Variants in PALS2 observed in about 807,000 individuals in gnomAD.
PALS2 encodes the protein protein PALS2.
PALS2 carries 27 observed loss-of-function variants against 61.6 expected under a neutral mutation model. The observed-to-expected ratio is 0.44, with a 90% CI of 0.32 to 0.60. PALS2 has a LOEUF of 0.60. PALS2 is among the 20% of genes least tolerant of loss of function. The pLI is 0.05. For missense variants in PALS2, 554 were observed against 639.4 expected (o/e 0.87, Z 1.44); for synonymous variants, 236 against 218.6 (o/e 1.08, Z -0.70).
intron 3 of PALS2, among the ~76,000 whole-genome samples, chr7:24,645,646 C>A (rs1333784236): frequency 1.3e-5 from 2 of 151,938 alleles, no homozygotes; most frequent in East Asian, 3.8e-4. Context: ...TTTTCTAGTT[C>A]TGTGAAGAAT....
intron 2 of PALS2, among the ~76,000 whole-genome samples, chr7:24,637,556 C>G (rs1785299391): frequency 6.6e-6 from 1 of 152,086 alleles, no homozygotes; most frequent in African/African-American, 2.4e-5. Flanking sequence ...TAAGTAACTA[C>G]TACATACATA....
At chr7:24,635,694 T>G (rs75072516) in intron 2 of PALS2, among the ~76,000 whole-genome samples, 9,615 of 152,240 alleles carry the variant, frequency 0.063, 351 homozygotes, top group African/African-American at 0.093. Context: ...ACTGCTATCC[T>G]ATACCTTGAT....
At chr7:24,658,790 C>A (rs951771360) in intron 5 of PALS2, among the ~76,000 whole-genome samples, 2 of 151,898 alleles carry the variant, frequency 1.3e-5, no homozygotes, top group Non-Finnish European at 1.5e-5. Flanking sequence ...CTCTTGATCT[C>A]GTGATCCATC....
Position 24,655,945 on chromosome 7 carries a change from ACCT to A in PALS2, c.651+5234_651+5236del, listed in dbSNP as rs201438277. Among the ~76,000 whole-genome samples the A allele has an allele frequency of 8.2e-3, 1,254 of 152,194 alleles. 15 individuals are homozygous for A. Among genetic ancestry groups the A allele is most frequent in the African/African-American group, 0.028 (1,164 of 41,520 alleles). On this transcript the variant is annotated intron_variant, in intron 5 of 11. Coordinates refer to ENST00000222644, the MANE Select transcript of PALS2 (RefSeq NM_001303037.2). ...CTTCAAAACTTTTTTAACCAAACAT[ACCT>A]TCTTGTTATCTTGCTGTTATCAAAA... is the stretch of plus-strand genomic sequence containing the variant.
intron 5 of PALS2, among the ~76,000 whole-genome samples, chr7:24,659,062 A>T (rs564457158): frequency 6.6e-6 from 1 of 152,060 alleles, no homozygotes; most frequent in Non-Finnish European, 1.5e-5. Context: ...GTCGATATGT[A>T]CTCAATGTTT....
At chr7:24,603,670 G>T (rs1230348439) in intron 1 of PALS2, among the ~76,000 whole-genome samples, 1 of 152,156 alleles carries the variant, frequency 6.6e-6, no homozygotes, top group African/African-American at 2.4e-5. Context: ...TCAAATGGCT[G>T]TTGGAGCACA....
chr7:24,662,272 A>T (rs1214248378), intron 5 of PALS2, among the ~76,000 whole-genome samples: 1 of 152,196 alleles, frequency 6.6e-6, no homozygotes, highest in African/African-American at 2.4e-5. Context: ...TACTTTTACC[A>T]CACTAATAAT....
rs372042103 is a variant in PALS2, at chr7:24,581,831, T to C, written c.-3+8238T>C. On this transcript the variant is annotated intron_variant, in intron 1 of 11. Coordinates refer to ENST00000222644, the MANE Select transcript of PALS2 (RefSeq NM_001303037.2). Reference sequence around the variant, plus strand: ...TGCCTCTATTACGAGTAAAAGCCTTTAATCTGATTTGATCAGAACGGGTGG... The same window carrying C: ...TGCCTCTATTACGAGTAAAAGCCTTCAATCTGATTTGATCAGAACGGGTGG... 9.8e-5 allele frequency among the ~76,000 whole-genome samples: 15 copies of C among 152,310 alleles called. 1 individual carries two copies. Among genetic ancestry groups the C allele is most frequent in the Admixed American group, 7.2e-4 (11 of 15,300 alleles).
chr7:24,576,601 A>G (rs527305112), intron 1 of PALS2, among the ~76,000 whole-genome samples: 1 of 152,360 alleles, frequency 6.6e-6, no homozygotes, highest in South Asian at 2.1e-4. Context: ...AATGAAAGAT[A>G]AGATTCCTGA....
intron 5 of PALS2, among the ~76,000 whole-genome samples, chr7:24,652,933 G>A (rs2721800): frequency 1.3e-5 from 2 of 152,060 alleles, no homozygotes; most frequent in African/African-American, 4.8e-5. Flanking sequence ...TAAATTTTGA[G>A]GGCCAGAGTG....
intron 1 of PALS2, among the ~76,000 whole-genome samples, chr7:24,604,753 T>G (rs1184665426): frequency 3.3e-5 from 5 of 152,228 alleles, no homozygotes; most frequent in African/African-American, 7.2e-5. Flanking sequence ...TCCACCCTCA[T>G]GACCTAGTCT....
intron 9 of PALS2, among the ~76,000 whole-genome samples, chr7:24,673,228 A>G (rs567461223): frequency 1.2e-4 from 19 of 152,242 alleles, no homozygotes; most frequent in African/African-American, 4.6e-4. Context: ...TATTGAACCA[A>G]CCTTGTCTTT....
chr7:24,611,118 G>A (rs1784095635), intron 1 of PALS2, among the ~76,000 whole-genome samples: 2 of 152,098 alleles, frequency 1.3e-5, no homozygotes, highest in African/African-American at 4.8e-5. Context: ...CTAAACCTGG[G>A]TAGAAATGCT....
Position 24,617,649 on chromosome 7 carries a change from T to C in PALS2, c.-2-6017T>C, listed in dbSNP as rs1334790731. ...AATCAATTTTAGTGATGTTTGTAAG[T>C]GTTTCAGTGGCCTAAGCTGCAAGAG... is the stretch of plus-strand genomic sequence containing the variant. On this transcript the variant is annotated intron_variant, in intron 1 of 11. Coordinates refer to ENST00000222644, the MANE Select transcript of PALS2 (RefSeq NM_001303037.2). Among the ~76,000 whole-genome samples, 9 of 152,152 alleles carry C rather than the reference T, an allele frequency of 5.9e-5. 1 individual carries two copies. Among genetic ancestry groups the C allele is most frequent in the Admixed American group, 5.9e-4 (9 of 15,266 alleles).
intron 1 of PALS2, among the ~76,000 whole-genome samples, chr7:24,595,035 C>T (rs768066921): frequency 1.3e-5 from 2 of 151,924 alleles, no homozygotes; most frequent in South Asian, 4.2e-4. Context: ...AAATGAAGTG[C>T]AGTAAAATGA....
chr7:24,614,739 A>G (rs1303909614), intron 1 of PALS2, among the ~76,000 whole-genome samples: 2 of 152,006 alleles, frequency 1.3e-5, no homozygotes, highest in Non-Finnish European at 2.9e-5. Flanking sequence ...AATAGACCTA[A>G]CAGACATTTA....
At chr7:24,646,966 G>T (rs959128319) in intron 3 of PALS2, among the ~76,000 whole-genome samples, 1 of 151,916 alleles carries the variant, frequency 6.6e-6, no homozygotes, top group African/African-American at 2.4e-5. Context: ...TCTCATGGTT[G>T]TTTTTATTTC....
rs1053741635 is a variant in PALS2 at position 24,691,150 on chromosome 7, A to G, written c.*3536A>G. On this transcript the variant is annotated 3_prime_UTR_variant, in exon 12 of 12. Coordinates refer to ENST00000222644, the MANE Select transcript of PALS2 (RefSeq NM_001303037.2). The stretch of plus-strand genomic sequence containing the variant: ...GTGGATAGCCATAGAGTTAGGTAAA[A>G]TTATTTTGAATTGGCAAACTAAAGA... 1 of 151,986 alleles carries G rather than the reference A, an allele frequency of 6.6e-6. No homozygotes were observed. The highest frequency in any genetic ancestry group is 1.5e-5 in the Non-Finnish European group (1 of 67,950). The allele number at this position is 151,986 out of a possible 1,614,324, so 9.4% of individuals were successfully genotyped here.
intron 2 of PALS2, among the ~76,000 whole-genome samples, chr7:24,628,414 A>G (rs1784844514): frequency 6.6e-6 from 1 of 152,214 alleles, no homozygotes; most frequent in Non-Finnish European, 1.5e-5. Flanking sequence ...ATCATACTGA[A>G]TGGGCAAAAG....
Sources: allele counts gnomAD v4.1 joint callset (sites outside exome capture counted in the v4.1 genomes callset), GRCh38; gene constraint gnomAD v4.1.1; transcripts MANE v1.5; gene names NCBI Gene and HGNC (gene_info 2026-07-23, HGNC 2026-07-21).